ANGPT4: variants seen among roughly 807,000 people sequenced by gnomAD.
ANGPT4 encodes the protein angiopoietin-4.
Under a neutral mutation model 53.0 loss-of-function variants are expected in ANGPT4, and 50 were observed. That is an observed-to-expected ratio of 0.94 (90% CI 0.75 to 1.20). The LOEUF is 1.20. Among genes scored for constraint, ANGPT4 ranks in the 50% most tolerant of loss-of-function variants. ANGPT4 has a pLI of 0.00. For synonymous variants in ANGPT4, 251 were observed against 259.7 expected, an observed-to-expected ratio of 0.97 and a Z score of 0.32; for missense variants, 648 against 637.1, an observed-to-expected ratio of 1.02 and a Z score of -0.18.
At chr20:874,500 G>T in intron 7 of ANGPT4, 86 bp from the exon 8 acceptor site, 3 of 1,556,206 alleles carry the variant, frequency 1.9e-6, no homozygotes, top group South Asian at 1.2e-5. Flanking sequence ...CAGTGGCTTT[G>T]TCCCAGGCTG....
At chr20:892,669 C>T (rs1298339909) in intron 1 of ANGPT4, among the ~76,000 whole-genome samples, 1 of 151,876 alleles carries the variant, frequency 6.6e-6, no homozygotes, top group Non-Finnish European at 1.5e-5. Context: ...AGTCATGTCT[C>T]TCCATCCTGG....
At chr20:907,378 C>G (rs748978792) in intron 1 of ANGPT4, among the ~76,000 whole-genome samples, 3 of 152,162 alleles carry the variant, frequency 2.0e-5, no homozygotes, top group Non-Finnish European at 4.4e-5. Flanking sequence ...CCTCTGCCAT[C>G]TGGACTTGGG....
rs1982743674 is a variant in ANGPT4, at chr20:912,514, GC to G, written c.309+3391del. On this transcript the variant is annotated intron_variant, in intron 1 of 8. Coordinates refer to ENST00000381922, the MANE Select transcript of ANGPT4 (RefSeq NM_015985.4). ...TGCCTGCAGCTTCTCATCCATATGAGCGGGGTGGAGCAGAGCCCAGAGCTGA... is the reference window on the plus strand; with the variant it reads ...TGCCTGCAGCTTCTCATCCATATGAGGGGGTGGAGCAGAGCCCAGAGCTGA... Among the ~76,000 whole-genome samples, 5 of 152,304 alleles carry G rather than the reference GC, an allele frequency of 3.3e-5. No individual in the cohort carries two copies. The South Asian group carries it at 1.0e-3, about 32-fold the overall frequency.
rs148754514 is a variant in ANGPT4, at chr20:878,247, C to T, written c.1134G>A (p.Leu378=). The T allele has an allele frequency of 1.1e-4, 173 of 1,613,512 alleles. No individual in the cohort carries two copies. In the African/African-American group the frequency reaches 2.2e-3, roughly 21 times the overall value. The change falls in exon 7 of 9, where the codon CTG becomes CTA. Residue 378 remains leucine (L), a synonymous_variant. Transcript: ENST00000381922. The part of the protein sequence containing the change: ...HQLTRRAAYS[L]RVELQDWEGH... ...CTTCCCAGTCTTGCAGCTCCACACG[C>T]AGAGAGTAGGCTGCCCTTCTGGTGA...
At position 874,373 on chromosome 20, in the gene ANGPT4, C is replaced by T. The variant is rs762894257; in HGVS notation, c.1262G>A (p.Ser421Asn). 105 of 1,613,934 alleles carry T rather than the reference C, an allele frequency of 6.5e-5. No homozygotes were observed. Among genetic ancestry groups the T allele is most frequent in the Non-Finnish European group, 8.0e-5 (94 of 1,180,052 alleles). The stretch of plus-strand genomic sequence containing the variant: ...GCTGGTGTTCTGCAGGACCAGGCTG[C>T]TCTGGCGCCCTGCTGAGCCGCTGTA... ...VGYSGSAGRQ[S>N]SLVLQNTSFS... The change falls in exon 8 of 9, where the codon AGC (serine) becomes AAC (asparagine). Residue 421 changes from serine (S) to asparagine (N), a missense_variant. Physicochemically the swap from Ser to Asn is conservative, Grantham distance 46. Transcript: ENST00000381922.
chr20:885,021 T>TC, intron 4 of ANGPT4, 57 bp downstream of exon 4: 2 of 1,603,402 alleles, frequency 1.2e-6, no homozygotes, highest in Middle Eastern at 3.4e-4. Flanking sequence ...GAGCAGGGTC[T>TC]CCCCTCCCCT....
intron 1 of ANGPT4, 85 bp from the exon 2 acceptor site, chr20:890,453 G>A (rs1393763131): frequency 7.5e-7 from 1 of 1,332,792 alleles, no homozygotes; most frequent in African/African-American, 1.5e-5. Context: ...GGAGGGCACT[G>A]AGCAGCCACT....
intron 1 of ANGPT4, among the ~76,000 whole-genome samples, chr20:895,225 G>A (rs1252691667): frequency 1.3e-5 from 2 of 152,062 alleles, no homozygotes; most frequent in South Asian, 2.1e-4. Flanking sequence ...GCCGTGCACC[G>A]ACTCCAGGAT....
chr20:913,911 G>A (rs1452943762), intron 1 of ANGPT4, among the ~76,000 whole-genome samples: 1 of 152,170 alleles, frequency 6.6e-6, no homozygotes, highest in East Asian at 1.9e-4. Context: ...GGTGTTTGGA[G>A]AAGAGCAGGG....
chr20:891,924 C>T (rs924888374), intron 1 of ANGPT4, among the ~76,000 whole-genome samples: 2 of 152,148 alleles, frequency 1.3e-5, no homozygotes, highest in Non-Finnish European at 2.9e-5. Flanking sequence ...CACCGCAGAC[C>T]TCCTGAACCA....
At chr20:910,524 C>G (rs1158554995) in intron 1 of ANGPT4, among the ~76,000 whole-genome samples, 1 of 152,156 alleles carries the variant, frequency 6.6e-6, no homozygotes, top group East Asian at 1.9e-4. Flanking sequence ...AGGGTTCATT[C>G]CTGACATTTC....
At position 885,195 on chromosome 20, in the gene ANGPT4, C is replaced by G. The variant is rs1181404017; in HGVS notation, c.718G>C (p.Gly240Arg). The change falls in exon 4 of 9, where the codon GGC (glycine) becomes CGC (arginine). Residue 240 changes from glycine (G) to arginine (R), a missense_variant. Physicochemically the swap from Gly to Arg is moderately radical, Grantham distance 125. Transcript: ENST00000381922. ...GAGTTGTGCCTGACACCGCGCAGGC[C>G]GCGCTCGATGTTGGTGAGGGCGGCG... ...QSAALTNIER[G>R]LRGVRHNSSL... 6.2e-7 allele frequency: 1 copy of G among 1,601,430 alleles called. No homozygotes were observed. Among genetic ancestry groups the G allele is most frequent in the South Asian group, 1.1e-5 (1 of 89,420 alleles).
intron 1 of ANGPT4, among the ~76,000 whole-genome samples, chr20:901,769 G>A (rs993885412): frequency 6.6e-6 from 1 of 152,158 alleles, no homozygotes; most frequent in Non-Finnish European, 1.5e-5. Flanking sequence ...AACAAAATTA[G>A]CTGAAGGTGG....
rs1981251278 is a variant in ANGPT4 at position 878,257 on chromosome 20, G to A, written c.1124C>T (p.Ala375Val). 2 of 1,613,266 alleles carry A rather than the reference G, an allele frequency of 1.2e-6. No individual in the cohort carries two copies. The highest frequency in any genetic ancestry group is 1.7e-6 in the Non-Finnish European group (2 of 1,179,312). ...EVVHQLTRRA[A>V]YSLRVELQDW... Reference sequence around the variant, plus strand: ...TTGCAGCTCCACACGCAGAGAGTAGGCTGCCCTTCTGGTGAGCTGGTGCAC... The same window carrying A: ...TTGCAGCTCCACACGCAGAGAGTAGACTGCCCTTCTGGTGAGCTGGTGCAC... The change falls in exon 7 of 9, where the codon GCC (alanine) becomes GTC (valine). Residue 375 changes from alanine (A) to valine (V), a missense_variant. Physicochemically the swap from Ala to Val is moderately conservative, Grantham distance 64. Coordinates refer to ENST00000381922, the MANE Select transcript of ANGPT4 (RefSeq NM_015985.4).
chr20:913,183 C>A (rs1568863585), intron 1 of ANGPT4, among the ~76,000 whole-genome samples: 1 of 151,998 alleles, frequency 6.6e-6, no homozygotes, highest in African/African-American at 2.4e-5. Context: ...TTTTAAAACT[C>A]TTTTTTTAAC....
intron 1 of ANGPT4, 108 bp from the exon 2 acceptor site, chr20:890,476 G>C (rs1981798891): frequency 9.8e-7 from 1 of 1,018,288 alleles, no homozygotes; most frequent in Non-Finnish European, 1.4e-6. Flanking sequence ...AGGCCTCCCT[G>C]GCTCAGAACA....
intron 7 of ANGPT4, among the ~76,000 whole-genome samples, chr20:876,123 G>T (rs1981156572): frequency 1.4e-5 from 2 of 145,040 alleles, no homozygotes; most frequent in African/African-American, 5.3e-5. Flanking sequence ...TCCAGCCTGG[G>T]CAACAGAGTA....
rs568944724 is a variant in ANGPT4 at position 898,204 on chromosome 20, G to A, written c.310-7836C>T. Among the ~76,000 whole-genome samples the A allele has an allele frequency of 2.6e-5, 4 of 151,998 alleles. No homozygotes were observed. In the South Asian group the frequency reaches 8.3e-4, roughly 32 times the overall value. On this transcript the variant is annotated intron_variant, in intron 1 of 8. Coordinates refer to ENST00000381922, the MANE Select transcript of ANGPT4 (RefSeq NM_015985.4). ...CCTCCCTGACGCTGCTCCTCGCCAG[G>A]CTGAGCCAGGTCCCAATTCTTCCTC...
At position 914,954 on chromosome 20, in the gene ANGPT4, T is replaced by C; in HGVS notation, c.309+952A>G. 6.6e-6 allele frequency among the ~76,000 whole-genome samples: 1 copy of C among 152,138 alleles called. No individual in the cohort carries two copies. Among genetic ancestry groups the C allele is most frequent in the South Asian group, 2.1e-4 (1 of 4,814 alleles). On this transcript the variant is annotated intron_variant, in intron 1 of 8. Coordinates refer to ENST00000381922, the MANE Select transcript of ANGPT4 (RefSeq NM_015985.4). The surrounding 1 kb of genome is among the most constrained non-coding windows in gnomAD (Gnocchi z 5.0). The stretch of plus-strand genomic sequence containing the variant: ...TCCTCAGCTCCTTGCTTCCTCCCAC[T>C]CCGCATCCAATTCACCAGCAGAGCT...
Sources: allele counts gnomAD v4.1 joint callset (sites outside exome capture counted in the v4.1 genomes callset), GRCh38; gene constraint gnomAD v4.1.1; non-coding constraint Gnocchi (gnomAD v3.1); transcripts MANE v1.5; gene names NCBI Gene and HGNC (gene_info 2026-07-23, HGNC 2026-07-21).